The following SMG1 variants were observed in gnomAD, a reference collection of about 807,000 sequenced individuals.
SMG1 encodes the protein SMG1 nonsense mediated mRNA decay associated PI3K related kinase.
SMG1 carries 22 observed loss-of-function variants against 419.9 expected under a neutral mutation model. The ratio of observed to expected loss-of-function variants is 0.05; its 90% confidence interval spans 0.04 to 0.07. The LOEUF (loss-of-function observed/expected upper bound fraction) is 0.07. SMG1 is among the 10% of genes least tolerant of loss of function. The pLI is 1.00. For synonymous variants in SMG1, 1,538 were observed against 1,553.5 expected (o/e 0.99, Z 0.23); for missense variants, 3,185 against 4,342.0 (o/e 0.73, Z 7.49).
At chr16:18,903,359 A>C (rs1469345913) in intron 1 of SMG1, among the ~76,000 whole-genome samples, 1 of 152,140 alleles carries the variant, frequency 6.6e-6, no homozygotes, top group Non-Finnish European at 1.5e-5. Context: ...ACCCCCTCAC[A>C]TCCATGCCCC....
intron 1 of SMG1, among the ~76,000 whole-genome samples, chr16:18,919,653 T>TAC (rs1171811465): frequency 4.2e-3 from 326 of 77,052 alleles, no homozygotes; most frequent in African/African-American, 0.019. Context: ...TGTGTGTGTA[T>TAC]ATATACACAC....
chr16:18,841,859 T>G, intron 40 of SMG1, 65 bp from the exon 41 acceptor site: 2 of 1,373,062 alleles, frequency 1.5e-6, no homozygotes, highest in South Asian at 2.4e-5. Flanking sequence ...ATACCACTCC[T>G]CTTTTTCAAC....
At chr16:18,835,621 A>T (rs183505980) in intron 48 of SMG1, among the ~76,000 whole-genome samples, 16 of 152,212 alleles carry the variant, frequency 1.1e-4, no homozygotes, top group African/African-American at 3.1e-4. Context: ...AAGAAATACA[A>T]TTGGCCAGGC....
chr16:18,841,618 A>G lies in SMG1; in HGVS notation c.6643T>C (p.Phe2215Leu). The change falls in exon 41 of 63, where the codon TTT (phenylalanine) becomes CTT (leucine). Residue 2215 changes from phenylalanine (F) to leucine (L), a missense_variant. Transcript: ENST00000446231. ...IQWVDGATPL[F>L]GLYKRWQQRE... ...TGTTGCCATCGTTTGTAAAGACCAA[A>G]TAAGGGTGTGGCTCCATCTACCCAC... 6.2e-7 allele frequency: 1 copy of G among 1,613,956 alleles called. No individual in the cohort carries two copies. Among genetic ancestry groups the G allele is most frequent in the Non-Finnish European group, 8.5e-7 (1 of 1,179,880 alleles).
intron 15 of SMG1, among the ~76,000 whole-genome samples, chr16:18,871,738 C>A (rs944209949): frequency 6.6e-6 from 1 of 151,994 alleles, no homozygotes; most frequent in Non-Finnish European, 1.5e-5. Context: ...GAGTTCAAGA[C>A]CAGCCTGGCC....
At chr16:18,887,672 TAAAAAAAAAA>T (rs368196825) in intron 6 of SMG1, among the ~76,000 whole-genome samples, 1 of 65,714 alleles carries the variant, frequency 1.5e-5, no homozygotes, top group African/African-American at 7.2e-5. Context: ...ACTTTTTATT[TAAAAAAAAAA>T]AAAAAAAAAA....
chr16:18,830,417 T>C (rs745849894), intron 51 of SMG1, 48 bp from the exon 52 acceptor site: 1 of 1,596,582 alleles, frequency 6.3e-7, no homozygotes, highest in Non-Finnish European at 8.6e-7. Flanking sequence ...AAGTAATGCC[T>C]TTGGTGGGAA....
intron 9 of SMG1, among the ~76,000 whole-genome samples, chr16:18,883,597 T>C (rs1427013472): frequency 6.6e-6 from 1 of 152,222 alleles, no homozygotes; most frequent in Admixed American, 6.5e-5. Context: ...GTAATTCTCC[T>C]GGTAACTTAA....
intron 1 of SMG1, among the ~76,000 whole-genome samples, chr16:18,922,630 AATTT>A (rs1043480537): frequency 3.3e-5 from 5 of 152,018 alleles, no homozygotes; most frequent in Middle Eastern, 3.4e-3. Context: ...ATATCCCGCT[AATTT>A]ATTTATTTAT....
chr16:18,895,116 C>G (rs1280483645), intron 3 of SMG1, among the ~76,000 whole-genome samples: 1 of 152,200 alleles, frequency 6.6e-6, no homozygotes, highest in African/African-American at 2.4e-5. Flanking sequence ...TGCACCTGGC[C>G]AATCCTCTGA....
At chr16:18,905,932 A>G (rs2037543398) in intron 1 of SMG1, among the ~76,000 whole-genome samples, 1 of 151,832 alleles carries the variant, frequency 6.6e-6, no homozygotes, top group African/African-American at 2.4e-5. Flanking sequence ...TTCTTTAACC[A>G]GCTTAGATTT....
At chr16:18,835,457 C>G (rs751959824) in intron 48 of SMG1, among the ~76,000 whole-genome samples, 1 of 151,748 alleles carries the variant, frequency 6.6e-6, no homozygotes. Context: ...CTGGGCAACA[C>G]GGCGAAACTC....
chr16:18,865,708 GC>G lies in SMG1; in HGVS notation c.3350+912del, dbSNP rs771688710. On this transcript the variant is annotated intron_variant, in intron 23 of 62. Transcript: ENST00000446231. ...ACAGAGTTTCGCTCTTGTTGCCCAG[GC>G]TGGAGGGCAGTGGCACAACCTGGGC... 6.1e-4 allele frequency among the ~76,000 whole-genome samples: 93 copies of G among 151,342 alleles called. 1 individual carries two copies. Among genetic ancestry groups the G allele is most frequent in the Admixed American group, 2.6e-3 (40 of 15,194 alleles).
chr16:18,826,800 C>T (rs2032711873), intron 55 of SMG1, among the ~76,000 whole-genome samples: 1 of 31,732 alleles, frequency 3.2e-5, no homozygotes, highest in South Asian at 1.2e-3. Flanking sequence ...GTTCGAGCTT[C>T]CCGGCTGCTT....
chr16:18,870,527 G>C, intron 18 of SMG1, 83 bp downstream of exon 18: 1 of 765,644 alleles, frequency 1.3e-6, no homozygotes, highest in Non-Finnish European at 2.2e-6. Flanking sequence ...GCTCTAATAG[G>C]TGATCTGTCT....
At chr16:18,829,781 T>C in intron 53 of SMG1, 26 bp from the exon 54 acceptor site, 1 of 1,567,028 alleles carries the variant, frequency 6.4e-7, no homozygotes, top group Non-Finnish European at 8.7e-7. Context: ...ATTTCTTGTA[T>C]TTCATGAAAA....
At chr16:18,855,197 A>T (rs2034829291) in intron 29 of SMG1, among the ~76,000 whole-genome samples, 2 of 152,002 alleles carry the variant, frequency 1.3e-5, no homozygotes, top group Non-Finnish European at 2.9e-5. Flanking sequence ...AAAGCAAGGA[A>T]GCAGGGAAGG....
At chr16:18,921,478 TG>T (rs1222855970) in intron 1 of SMG1, among the ~76,000 whole-genome samples, 1 of 152,224 alleles carries the variant, frequency 6.6e-6, no homozygotes, top group Non-Finnish European at 1.5e-5. Flanking sequence ...CACAATTTGC[TG>T]AAATTTTCCT....
chr16:18,831,878 A>G (rs1478243828), intron 51 of SMG1, among the ~76,000 whole-genome samples: 1 of 151,688 alleles, frequency 6.6e-6, no homozygotes, highest in East Asian at 1.9e-4. Flanking sequence ...GAGAAACAGG[A>G]AATTTCTGAA....
Sources: allele counts gnomAD v4.1 joint callset (sites outside exome capture counted in the v4.1 genomes callset), GRCh38; gene constraint gnomAD v4.1.1; transcripts MANE v1.5; gene names NCBI Gene and HGNC (gene_info 2026-07-23, HGNC 2026-07-21).